Variants in WDR59 observed in about 807,000 individuals in gnomAD.
WDR59 encodes the protein WD repeat domain 59.
Under a neutral mutation model 131.2 loss-of-function variants are expected in WDR59, and 100 were observed. The observed-to-expected ratio is 0.76, with a 90% CI of 0.65 to 0.90. WDR59 has a LOEUF of 0.90. Ranked by LOEUF, WDR59 falls within the 40% of genes least tolerant of loss-of-function variation. The pLI is 0.00. For synonymous variants in WDR59, 601 were observed against 466.2 expected (o/e 1.29, Z -3.72); for missense variants, 1,203 against 1,262.2 (o/e 0.95, Z 0.71).
chr16:74,888,628 G>A (rs13334969), intron 21 of WDR59, among the ~76,000 whole-genome samples: 2,610 of 152,282 alleles, frequency 0.017, 48 homozygotes, highest in African/African-American at 0.055. Flanking sequence ...GAACTAAGTG[G>A]ACTAACCTGA....
intron 25 of WDR59, among the ~76,000 whole-genome samples, chr16:74,881,755 C>A (rs144181256): frequency 6.6e-6 from 1 of 151,600 alleles, no homozygotes; most frequent in Non-Finnish European, 1.5e-5. Context: ...TGCCTGTAAT[C>A]CCAGCTACTC....
In WDR59 at chr16:74,949,710, G is replaced by C; in HGVS notation, c.407+8C>G. 6.2e-7 allele frequency: 1 copy of C among 1,613,176 alleles called. No individual in the cohort carries two copies. The highest frequency in any genetic ancestry group is 8.5e-7 in the Non-Finnish European group (1 of 1,179,476). On this transcript the variant is annotated splice_region_variant and intron_variant, in intron 5 of 25. Coordinates refer to ENST00000262144, the MANE Select transcript of WDR59 (RefSeq NM_030581.4). ...AACCAAGTGGTTATGCCTCCTAATT[G>C]TTCTTACTTGATATCCCAAATGTAG...
chr16:74,942,251 A>G (rs1050122989), intron 7 of WDR59, among the ~76,000 whole-genome samples: 1 of 152,152 alleles, frequency 6.6e-6, no homozygotes, highest in African/African-American at 2.4e-5. Flanking sequence ...TTGTAAGAGT[A>G]AATGTAAGCA....
At chr16:74,892,694 G>A (rs765692742) in intron 19 of WDR59, 129 bp from the exon 20 acceptor site, 4 of 748,980 alleles carry the variant, frequency 5.3e-6, no homozygotes, top group Non-Finnish European at 8.5e-6. Flanking sequence ...TTCCGCGTTG[G>A]CCTTGGGCCC....
intron 5 of WDR59, 145 bp downstream of exon 5, chr16:74,949,573 A>T: frequency 1.5e-6 from 1 of 662,148 alleles, no homozygotes; most frequent in East Asian, 3.1e-5. Flanking sequence ...TTTCACTCTC[A>T]AATAATATAT....
rs765986345 is a variant in WDR59 at position 74,917,997 on chromosome 16, A to G, written c.898T>C (p.Tyr300His). ...WRKQKEGSKD[Y>H]QLVTWSRDQT... Reference sequence around the variant, plus strand: ...TCCCGGGACCACGTCACCAGTTGATAGTCCTTGGACCCTAGAAATCACCAA... The same window carrying G: ...TCCCGGGACCACGTCACCAGTTGATGGTCCTTGGACCCTAGAAATCACCAA... The change falls in exon 11 of 26, where the codon TAT (tyrosine) becomes CAT (histidine). Residue 300 changes from tyrosine to histidine, a missense_variant. Tyr to His is a moderately conservative substitution (Grantham distance 83). Transcript: ENST00000262144. The G allele has an allele frequency of 6.2e-7, 1 of 1,613,770 alleles. No homozygotes were observed. Among genetic ancestry groups the G allele is most frequent in the Non-Finnish European group, 8.5e-7 (1 of 1,179,876 alleles).
In WDR59 at chr16:74,985,108, G is replaced by A. The variant is rs1213034758; in HGVS notation, c.-91C>T. 7.6e-7 allele frequency: 1 copy of A among 1,313,388 alleles called. No homozygotes were observed. The highest frequency in any genetic ancestry group is 1.1e-6 in the Non-Finnish European group (1 of 935,532). 81.4% of individuals were successfully genotyped at this position (1,313,388 alleles called of 1,614,324 possible). On this transcript the variant is annotated 5_prime_UTR_variant, in exon 1 of 26. Coordinates refer to ENST00000262144, the MANE Select transcript of WDR59 (RefSeq NM_030581.4). ...GGACCGTGCGCCCCACACAGCCAGA[G>A]AATCAGCCCCGACACGCCCCGTGCC...
chr16:74,945,593 C>G (rs1484627244), intron 6 of WDR59, among the ~76,000 whole-genome samples: 1 of 152,122 alleles, frequency 6.6e-6, no homozygotes, highest in Admixed American at 6.6e-5. Flanking sequence ...TGCAGCCAGT[C>G]TATGTCTCAG....
chr16:74,889,692 T>C lies in WDR59; in HGVS notation c.2195+11A>G, dbSNP rs1964946408. The C allele has an allele frequency of 6.2e-7, 1 of 1,608,184 alleles. No individual in the cohort carries two copies. Among genetic ancestry groups the C allele is most frequent in the East Asian group, 2.2e-5 (1 of 44,862 alleles). On this transcript the variant is annotated intron_variant, in intron 21 of 25. Coordinates refer to ENST00000262144, the MANE Select transcript of WDR59 (RefSeq NM_030581.4). Reference sequence around the variant, plus strand: ...CACTCATTTTTCTCATTTTTAGCTCTCAAAACCTACAGGGACTCCAGCAGC... The same window carrying C: ...CACTCATTTTTCTCATTTTTAGCTCCCAAAACCTACAGGGACTCCAGCAGC...
chr16:74,961,086 A>G (rs2033543150), intron 2 of WDR59, among the ~76,000 whole-genome samples: 1 of 151,928 alleles, frequency 6.6e-6, no homozygotes, highest in Admixed American at 6.6e-5. Context: ...AGGAGGATCA[A>G]CTTGAGCCCA....
intron 25 of WDR59, among the ~76,000 whole-genome samples, chr16:74,882,337 T>C (rs932402891): frequency 1.3e-5 from 2 of 152,254 alleles, no homozygotes; most frequent in African/African-American, 4.8e-5. Context: ...AATAGCATTT[T>C]GTGCCTTTAC....
chr16:74,874,277 A>C lies in WDR59; in HGVS notation c.2857T>G (p.Trp953Gly). ...GGACACACCTCCTGGGTCCGAAACC[A>C]CTCCATCATGTGGCTGGTGTGGCCA... ...HGGHTSHMME[W>G]FRTQEVCPTG... The change falls in exon 26 of 26, where the codon TGG (tryptophan) becomes GGG (glycine). Residue 953 changes from tryptophan to glycine, a missense_variant. By Grantham distance (184) the Trp-to-Gly change is radical. Transcript: ENST00000262144. 5 of 1,614,140 alleles carry C rather than the reference A, an allele frequency of 3.1e-6. No individual in the cohort carries two copies. The highest frequency in any genetic ancestry group is 1.7e-6 in the Non-Finnish European group (2 of 1,180,032).
chr16:74,967,549 C>T (rs1181887680), intron 1 of WDR59, among the ~76,000 whole-genome samples: 2 of 152,050 alleles, frequency 1.3e-5, no homozygotes, highest in Admixed American at 1.3e-4. Context: ...AATTAAGGTC[C>T]CAATCAATTG....
At chr16:74,962,430 T>C (rs573330615) in intron 2 of WDR59, among the ~76,000 whole-genome samples, 1 of 152,314 alleles carries the variant, frequency 6.6e-6, no homozygotes, top group South Asian at 2.1e-4. Flanking sequence ...TGGAATGTTT[T>C]GCTATTTGTT....
chr16:74,884,514 A>C (rs1249130394), intron 25 of WDR59, among the ~76,000 whole-genome samples: 2 of 152,026 alleles, frequency 1.3e-5, no homozygotes, highest in African/African-American at 4.8e-5. Flanking sequence ...ACGCCTGGCT[A>C]ATTTCGTATT....
rs765928737 is a variant in WDR59 at position 74,942,876 on chromosome 16, A to G, written c.446-50T>C. On this transcript the variant is annotated intron_variant, in intron 6 of 25. Transcript: ENST00000262144. ...AGCTGCTGCCCTTGGTGCTTTCGGA[A>G]GCAGAGCAGAGCACAGCCAGGGGAG... 2.6e-6 allele frequency: 4 copies of G among 1,532,060 alleles called. No homozygotes were observed. The South Asian group carries it at 4.5e-5, about 17-fold the overall frequency. The allele number at this position is 1,532,060 out of a possible 1,614,324, so 94.9% of individuals were successfully genotyped here. A position where few individuals can be genotyped will look rare whatever the true frequency, so the allele number is the denominator to read the frequency against.
At chr16:74,928,447 G>A (rs1035590657) in intron 8 of WDR59, among the ~76,000 whole-genome samples, 1 of 150,114 alleles carries the variant, frequency 6.7e-6, no homozygotes, top group Non-Finnish European at 1.5e-5. Flanking sequence ...TTGAACTCCT[G>A]GGCTCAAGTG....
chr16:74,941,142 C>T (rs2032187678), intron 7 of WDR59, among the ~76,000 whole-genome samples: 1 of 150,908 alleles, frequency 6.6e-6, no homozygotes, highest in Non-Finnish European at 1.5e-5. Flanking sequence ...CCCAGGAGTT[C>T]GAGGTCAGCT....
intron 13 of WDR59, among the ~76,000 whole-genome samples, chr16:74,913,080 GGGGGC>G (rs1333056862): frequency 2.0e-5 from 3 of 151,838 alleles, no homozygotes; most frequent in South Asian, 2.1e-4. Context: ...TGGGGGGGGG[GGGGGC>G]CTGTTCCCAA....
Sources: allele counts gnomAD v4.1 joint callset (sites outside exome capture counted in the v4.1 genomes callset), GRCh38; gene constraint gnomAD v4.1.1; transcripts MANE v1.5; gene names NCBI Gene and HGNC (gene_info 2026-07-23, HGNC 2026-07-21).